NAA25: variants seen among roughly 807,000 people sequenced by gnomAD.
NAA25 encodes N-alpha-acetyltransferase 25, NatB auxiliary subunit.
In NAA25, 30 loss-of-function variants were observed where a neutral mutation model predicts 132.5. The observed-to-expected ratio is 0.23, with a 90% CI of 0.17 to 0.31. The LOEUF is 0.31. NAA25 is among the 10% of genes least tolerant of loss of function. NAA25 has a pLI of 1.00. For missense variants in NAA25, 771 were observed against 1,150.4 expected (o/e 0.67, Z 4.77); for synonymous variants, 359 against 401.9 (o/e 0.89, Z 1.28).
At position 112,099,751 on chromosome 12, in the gene NAA25, A is replaced by G. The variant is rs75480723; in HGVS notation, c.59-6615T>C. On this transcript the variant is annotated intron_variant, in intron 1 of 23. Coordinates refer to ENST00000261745, the MANE Select transcript of NAA25 (RefSeq NM_024953.4). Reference sequence around the variant, plus strand: ...AGAGGTCCTGGGATTTGTTCATCCAATCTTACTGAGGGATGGATACTGACA... The same window carrying G: ...AGAGGTCCTGGGATTTGTTCATCCAGTCTTACTGAGGGATGGATACTGACA... Among the ~76,000 whole-genome samples, 880 of 152,278 alleles carry G rather than the reference A, an allele frequency of 5.8e-3. 5 individuals carry two copies. Among genetic ancestry groups the G allele is most frequent in the Admixed American group, 0.011 (164 of 15,292 alleles).
intron 4 of NAA25, among the ~76,000 whole-genome samples, chr12:112,084,734 A>G (rs1034242334): frequency 6.6e-6 from 1 of 152,126 alleles, no homozygotes; most frequent in African/African-American, 2.4e-5. Flanking sequence ...TGGAGGTTGC[A>G]GTGAGCCAAG....
intron 8 of NAA25, 66 bp from the exon 9 acceptor site, chr12:112,074,830 C>G (rs1230835912): frequency 2.5e-5 from 26 of 1,053,776 alleles, no homozygotes; most frequent in Non-Finnish European, 3.6e-5. Flanking sequence ...CCTTAGGAAC[C>G]ATGATATTCA....
intron 9 of NAA25, 66 bp from the exon 10 acceptor site, chr12:112,072,130 A>T: frequency 7.5e-7 from 1 of 1,333,686 alleles, no homozygotes; most frequent in Non-Finnish European, 1.0e-6. Flanking sequence ...CTTAAAGTCA[A>T]GCCAAACTCA....
At chr12:112,036,965 G>A (rs893754776) in intron 22 of NAA25, among the ~76,000 whole-genome samples, 4 of 151,816 alleles carry the variant, frequency 2.6e-5, no homozygotes, top group Admixed American at 1.3e-4. Context: ...AACCCCAATA[G>A]CAATGAGCAC....
chr12:112,096,011 T>G (rs1170575279), intron 1 of NAA25, among the ~76,000 whole-genome samples: 2 of 152,174 alleles, frequency 1.3e-5, no homozygotes, highest in Non-Finnish European at 2.9e-5. Context: ...GGCTCAGCAA[T>G]GGTAACAAAC....
At position 112,054,368 on chromosome 12, in the gene NAA25, T is replaced by A. The variant is rs575561889; in HGVS notation, c.1628+20A>T. ...ACTGGTATAGCTGGCTGCTCATTATTCAGAGTATATACTACCAACCCAATG... is the reference window on the plus strand; with the variant it reads ...ACTGGTATAGCTGGCTGCTCATTATACAGAGTATATACTACCAACCCAATG... On this transcript the variant is annotated intron_variant, in intron 14 of 23. Transcript: ENST00000261745. The A allele has an allele frequency of 6.2e-7, 1 of 1,608,074 alleles. No homozygotes were observed. The highest frequency in any genetic ancestry group is 1.3e-5 in the African/African-American group (1 of 74,948).
At chr12:112,108,592 G>A in intron 1 of NAA25, 124 bp downstream of exon 1, 1 of 1,070,320 alleles carries the variant, frequency 9.3e-7, no homozygotes, top group Non-Finnish European at 1.2e-6. Flanking sequence ...TGGCCCGCGC[G>A]GCCCGCCCCC....
At chr12:112,107,229 C>T (rs1424831009) in intron 1 of NAA25, among the ~76,000 whole-genome samples, 1 of 152,012 alleles carries the variant, frequency 6.6e-6, no homozygotes, top group African/African-American at 2.4e-5. Flanking sequence ...CACTGTACTC[C>T]AACCTGGACG....
intron 15 of NAA25, 60 bp downstream of exon 15, chr12:112,053,498 C>T: frequency 4.1e-6 from 5 of 1,208,978 alleles, no homozygotes; most frequent in South Asian, 3.9e-5. Context: ...TGGTGACGTG[C>T]TCCTCAATAG....
At chr12:112,073,205 A>T (rs1282255929) in intron 9 of NAA25, among the ~76,000 whole-genome samples, 1 of 152,068 alleles carries the variant, frequency 6.6e-6, no homozygotes. Flanking sequence ...ACTGCACTCC[A>T]GCCTAGGTGA....
At chr12:112,044,551 TC>T (rs897564928) in intron 17 of NAA25, among the ~76,000 whole-genome samples, 5 of 151,482 alleles carry the variant, frequency 3.3e-5, no homozygotes, top group African/African-American at 1.2e-4. Flanking sequence ...GCGCCTGTAG[TC>T]CCAGCTACTC....
At chr12:112,096,238 G>A (rs566586601) in intron 1 of NAA25, among the ~76,000 whole-genome samples, 5 of 152,308 alleles carry the variant, frequency 3.3e-5, no homozygotes, top group African/African-American at 1.2e-4. Flanking sequence ...AAACAGTACA[G>A]TAGCTGTCAA....
intron 13 of NAA25, among the ~76,000 whole-genome samples, chr12:112,058,262 T>C (rs2078576095): frequency 6.6e-6 from 1 of 152,118 alleles, no homozygotes; most frequent in African/African-American, 2.4e-5. Flanking sequence ...ACAGGCTTTG[T>C]TAAAGGCACC....
intron 1 of NAA25, among the ~76,000 whole-genome samples, chr12:112,098,096 G>A (rs2079240534): frequency 7.4e-6 from 1 of 135,184 alleles, no homozygotes; most frequent in South Asian, 2.3e-4. Flanking sequence ...ACTCCAGCCT[G>A]GCAACAGAGC....
At chr12:112,073,835 G>A (rs2078852440) in intron 9 of NAA25, among the ~76,000 whole-genome samples, 1 of 151,922 alleles carries the variant, frequency 6.6e-6, no homozygotes, top group South Asian at 2.1e-4. Context: ...AAAAAAAAGA[G>A]ATCTTCAAAA....
intron 11 of NAA25, among the ~76,000 whole-genome samples, chr12:112,065,092 G>A (rs553315495): frequency 1.3e-5 from 2 of 152,086 alleles, no homozygotes; most frequent in South Asian, 4.2e-4. Flanking sequence ...GGTGGCTCAC[G>A]GCTCACGCCT....
chr12:112,072,504 G>A (rs994323427), intron 9 of NAA25, among the ~76,000 whole-genome samples: 1 of 151,730 alleles, frequency 6.6e-6, no homozygotes, highest in Non-Finnish European at 1.5e-5. Context: ...AGCTACTCAG[G>A]AGGCTGAGGC....
rs1376218503 is a variant in NAA25, at chr12:112,108,754, A to G, written c.20T>C (p.Val7Ala). 1 of 1,528,840 alleles carries G rather than the reference A, an allele frequency of 6.5e-7. No homozygotes were observed. Among genetic ancestry groups the G allele is most frequent in the Non-Finnish European group, 8.8e-7 (1 of 1,135,164 alleles). The allele number at this position is 1,528,840 out of a possible 1,614,324, so 94.7% of individuals were successfully genotyped here. A position where few individuals can be genotyped will look rare whatever the true frequency, so the allele number is the denominator to read the frequency against. Residue 7 changes from valine (V) to alanine (A), a missense_variant, in exon 1 of 24, where the codon GTG becomes GCG. Around this residue, in one of 3 missense-constraint regions of NAA25, gnomAD observed 30 missense variants for 16.6 expected, o/e 1.81. Transcript: ENST00000261745. Reference protein sequence around the residue: MATRGHVQDPNDRRLRP... With the variant: MATRGHAQDPNDRRLRP... ...GAGGCGCCTGTCGTTAGGGTCCTGC[A>G]CATGGCCCCGCGTCGCCATGATGAC...
Position 112,029,492 on chromosome 12 carries a change from T to G in NAA25, c.*39A>C. On this transcript the variant is annotated 3_prime_UTR_variant, in exon 24 of 24. Coordinates refer to ENST00000261745, the MANE Select transcript of NAA25 (RefSeq NM_024953.4). Reference sequence around the variant, plus strand: ...TTTGCCTGGGAAGATGGTGTCATATTCTGTTGCAGAGTCATCAGTGCCCAT... The same window carrying G: ...TTTGCCTGGGAAGATGGTGTCATATGCTGTTGCAGAGTCATCAGTGCCCAT... 1 of 1,613,012 alleles carries G rather than the reference T, an allele frequency of 6.2e-7. No homozygotes were observed. Among genetic ancestry groups the G allele is most frequent in the Non-Finnish European group, 8.5e-7 (1 of 1,179,622 alleles).
Sources: gnomAD v4.1 joint callset for allele counts (sites outside exome capture counted in the v4.1 genomes callset) on GRCh38, gnomAD v4.1.1 for gene constraint, gnomAD v4.1.1 regional missense constraint, MANE v1.5 for transcripts, NCBI Gene and HGNC (gene_info 2026-07-23, HGNC 2026-07-21) for gene names.